Variants in SUOX observed in about 807,000 individuals in gnomAD.
SUOX encodes the protein sulfite oxidase, also known as sulfite oxidase, mitochondrial.
Under a neutral mutation model 41.9 loss-of-function variants are expected in SUOX, and 39 were observed. The observed-to-expected ratio is 0.93, with a 90% CI of 0.72 to 1.21. SUOX has a LOEUF of 1.21. Ranked by LOEUF, SUOX falls within the 50% of genes most tolerant of loss-of-function variation. SUOX has a pLI of 0.00. For missense variants in SUOX, 633 were observed against 689.5 expected (o/e 0.92, Z 0.92); for synonymous variants, 220 against 268.4 (o/e 0.82, Z 1.76).
Position 56,004,499 on chromosome 12 carries a change from T to C in SUOX, c.1110T>C (p.Pro370=). ...DHGFPVRVVV[P]GVVGARHVKW... is the part of the protein sequence containing the mutation. The stretch of plus-strand genomic sequence containing the variant: ...GCTTCCCTGTGCGTGTGGTGGTTCC[T>C]GGAGTGGTGGGTGCCCGCCATGTCA... Residue 370 remains proline (P), a synonymous_variant, in exon 5 of 5, where the codon CCT becomes CCC. Transcript: ENST00000266971. The surrounding 1 kb of genome is among the most constrained non-coding windows in gnomAD (Gnocchi z 4.5). 6.2e-7 allele frequency: 1 copy of C among 1,613,998 alleles called. No individual in the cohort carries two copies. Among genetic ancestry groups the C allele is most frequent in the Non-Finnish European group, 8.5e-7 (1 of 1,180,000 alleles).
At chr12:56,000,720 A>G (rs1489721664) in intron 2 of SUOX, among the ~76,000 whole-genome samples, 2 of 152,140 alleles carry the variant, frequency 1.3e-5, no homozygotes, top group Non-Finnish European at 2.9e-5. Context: ...TAGGATTATA[A>G]GGGTGAGCCA....
Position 56,004,252 on chromosome 12 carries a change from T to A in SUOX, c.863T>A (p.Ile288Asn). 1 of 1,614,052 alleles carries A rather than the reference T, an allele frequency of 6.2e-7. No individual in the cohort carries two copies. Among genetic ancestry groups the A allele is most frequent in the Non-Finnish European group, 8.5e-7 (1 of 1,180,018 alleles). ...VKGLEWRTGA[I>N]STARWAGARL... is the part of the protein sequence containing the mutation. ...GGTCTGGAGTGGAGAACAGGAGCCA[T>A]CAGCACTGCACGCTGGGCTGGGGCA... The change falls in exon 5 of 5, where the codon ATC becomes AAC. Residue 288 changes from isoleucine to asparagine, a missense_variant. Transcript: ENST00000266971. This position sits in a 1 kb window ranked among gnomAD's most constrained non-coding sequence, Gnocchi z 4.5.
rs769660984 is a variant in SUOX at position 56,003,985 on chromosome 12, C to T, written c.596C>T (p.Pro199Leu). ...CAGCGGCCCTTTAATGCAGAGCCTC[C>T]CCCTGAGCTGCTGACAGAAAACTAC... is the stretch of plus-strand genomic sequence containing the variant. ...NSQRPFNAEP[P>L]PELLTENYIT... Residue 199 changes from proline to leucine, a missense_variant, in exon 5 of 5, where the codon CCC (proline) becomes CTC (leucine). Transcript: ENST00000266971. 168 of 1,614,040 alleles carry T rather than the reference C, an allele frequency of 1.0e-4. 5 individuals are homozygous for T. The Admixed American group carries it at 2.1e-3, about 21-fold the overall frequency.
chr12:55,998,839 C>T (rs1473745533), intron 2 of SUOX, among the ~76,000 whole-genome samples: 1 of 151,550 alleles, frequency 6.6e-6, no homozygotes, highest in Non-Finnish European at 1.5e-5. Flanking sequence ...TGCCCTGTTG[C>T]CCAGGCTGGA....
In SUOX at chr12:56,002,529, G is replaced by T. The variant is rs141432255; in HGVS notation, c.51-14G>T. 1.2e-6 allele frequency: 2 copies of T among 1,614,050 alleles called. No individual in the cohort carries two copies. The highest frequency in any genetic ancestry group is 2.2e-5 in the South Asian group (2 of 91,052). ...CATGACCATACGTGCTACTAAGACC[G>T]ACCTCTCTTCCAGACTCAAGTCAAT... is the stretch of plus-strand genomic sequence containing the variant. On this transcript the variant is annotated splice_polypyrimidine_tract_variant and intron_variant, in intron 3 of 4. Coordinates refer to ENST00000266971, the MANE Select transcript of SUOX (RefSeq NM_001032386.2).
At position 56,005,121 on chromosome 12, in the gene SUOX, C is replaced by T. The variant is rs1890698605; in HGVS notation, c.*94C>T. ...CACCTTTCAACTTCTTGGATCACAA[C>T]TCTGGCCTTCCTAAGCCATACCCAA... On this transcript the variant is annotated 3_prime_UTR_variant, in exon 5 of 5. Transcript: ENST00000266971. 1 of 1,450,838 alleles carries T rather than the reference C, an allele frequency of 6.9e-7. No homozygotes were observed. The highest frequency in any genetic ancestry group is 9.5e-7 in the Non-Finnish European group (1 of 1,048,232). The allele number at this position is 1,450,838 out of a possible 1,614,324, so 89.9% of individuals were successfully genotyped here.
In SUOX at chr12:56,005,331, T is replaced by C. The variant is rs1017192609; in HGVS notation, c.*304T>C. 5.1e-6 allele frequency: 3 copies of C among 592,730 alleles called. No individual in the cohort carries two copies. The highest frequency in any genetic ancestry group is 3.7e-5 in the African/African-American group (2 of 53,792). The allele number at this position is 592,730 out of a possible 1,614,324, so 36.7% of individuals were successfully genotyped here. The stretch of plus-strand genomic sequence containing the variant: ...CTACCCCACCTCCATTTCTAATGCC[T>C]ACTGCCATCAAGGCCTTGTTTTGCT... On this transcript the variant is annotated 3_prime_UTR_variant, in exon 5 of 5. Coordinates refer to ENST00000266971, the MANE Select transcript of SUOX (RefSeq NM_001032386.2).
In SUOX at chr12:56,004,638, G is replaced by A; in HGVS notation, c.1249G>A (p.Ala417Thr). ...CTGGGAGACTGTAGATTTTGACTCT[G>A]CTCCATCCATTCAGGAACTTCCTGT... ...VDWETVDFDS[A>T]PSIQELPVQS... is the part of the protein sequence containing the mutation. Residue 417 changes from alanine (A) to threonine (T), a missense_variant, in exon 5 of 5, where the codon GCT becomes ACT. Transcript: ENST00000266971. The surrounding 1 kb of genome is among the most constrained non-coding windows in gnomAD (Gnocchi z 4.5). The A allele has an allele frequency of 1.2e-6, 2 of 1,613,930 alleles. No individual in the cohort carries two copies. The highest frequency in any genetic ancestry group is 1.7e-6 in the Non-Finnish European group (2 of 1,179,812).
In SUOX at chr12:56,004,410, G is replaced by A. The variant is rs752680971; in HGVS notation, c.1021G>A (p.Asp341Asn). ...GASIPLARAM[D>N]PEAEVLLAYE... ...ATCCATCCCTCTGGCTCGGGCCATG[G>A]ACCCTGAAGCTGAGGTCCTGCTGGC... is the stretch of plus-strand genomic sequence containing the variant. The change falls in exon 5 of 5, where the codon GAC becomes AAC. Residue 341 changes from aspartate (D) to asparagine (N), a missense_variant. By Grantham distance (23) the Asp-to-Asn change is conservative. Transcript: ENST00000266971. This position sits in a 1 kb window ranked among gnomAD's most constrained non-coding sequence, Gnocchi z 4.5. The A allele has an allele frequency of 6.2e-7, 1 of 1,614,036 alleles. No individual in the cohort carries two copies. The highest frequency in any genetic ancestry group is 2.2e-5 in the East Asian group (1 of 44,882).
intron 2 of SUOX, among the ~76,000 whole-genome samples, chr12:56,001,118 CTTTTT>C (rs1234069085): frequency 2.0e-5 from 1 of 51,252 alleles, no homozygotes. Flanking sequence ...GTTAATCTCT[CTTTTT>C]TTTTTTTTTT....
chr12:55,999,021 C>T (rs1216247332), intron 2 of SUOX, among the ~76,000 whole-genome samples: 1 of 151,802 alleles, frequency 6.6e-6, no homozygotes, highest in East Asian at 1.9e-4. Flanking sequence ...ACTATGTTGC[C>T]CAAGCTGGTC....
chr12:56,004,842 G>A lies in SUOX; in HGVS notation c.1453G>A (p.Ala485Thr), dbSNP rs1168514873. Residue 485 changes from alanine (A) to threonine (T), a missense_variant, in exon 5 of 5, where the codon GCC (alanine) becomes ACC (threonine). By Grantham distance (58) the Ala-to-Thr change is moderately conservative. Coordinates refer to ENST00000266971, the MANE Select transcript of SUOX (RefSeq NM_001032386.2). The surrounding 1 kb of genome is among the most constrained non-coding windows in gnomAD (Gnocchi z 4.5). ...TGGAGAGGAACAGCGCCCCAGGAAG[G>A]CCTGGGCATGGCGTCTGTGGCAGTT... is the stretch of plus-strand genomic sequence containing the variant. ...LDGEEQRPRK[A>T]WAWRLWQLKA... 1.9e-6 allele frequency: 3 copies of A among 1,614,070 alleles called. No individual in the cohort carries two copies. The highest frequency in any genetic ancestry group is 1.3e-5 in the African/African-American group (1 of 74,920).
In SUOX at chr12:56,004,000, C is replaced by T. The variant is rs763815475; in HGVS notation, c.611C>T (p.Thr204Ile). 9.9e-6 allele frequency: 16 copies of T among 1,614,170 alleles called. No individual in the cohort carries two copies. Among genetic ancestry groups the T allele is most frequent in the Non-Finnish European group, 1.1e-5 (13 of 1,180,036 alleles). ...GCAGAGCCTCCCCCTGAGCTGCTGA[C>T]AGAAAACTACATCACACCCAACCCT... ...FNAEPPPELL[T>I]ENYITPNPIF... Residue 204 changes from threonine to isoleucine, a missense_variant, in exon 5 of 5, where the codon ACA becomes ATA. By Grantham distance (89) the Thr-to-Ile change is moderately conservative. Coordinates refer to ENST00000266971, the MANE Select transcript of SUOX (RefSeq NM_001032386.2).
chr12:56,003,234 G>C (rs948360388), intron 4 of SUOX, among the ~76,000 whole-genome samples: 2 of 151,546 alleles, frequency 1.3e-5, no homozygotes, highest in South Asian at 2.1e-4. Context: ...GTGAGCTCAA[G>C]TGATTTCTTC....
rs932733920 is a variant in SUOX, at chr12:56,005,063, C to T, written c.*36C>T. The T allele has an allele frequency of 6.3e-7, 1 of 1,598,930 alleles. No homozygotes were observed. The highest frequency in any genetic ancestry group is 1.3e-5 in the African/African-American group (1 of 74,798). On this transcript the variant is annotated 3_prime_UTR_variant, in exon 5 of 5. Coordinates refer to ENST00000266971, the MANE Select transcript of SUOX (RefSeq NM_001032386.2). ...GAGCCACCTCCACCCCTTTCCCCAC[C>T]CATTAGCCTCACTGCTTCAGAAAAA...
In SUOX at chr12:56,001,824, TG is replaced by T. The variant is rs1407559746; in HGVS notation, c.-10-387del. 49 of 764,206 alleles carry T rather than the reference TG, an allele frequency of 6.4e-5. No homozygotes were observed. In the African/African-American group the frequency reaches 7.7e-4, roughly 12 times the overall value. 47.3% of individuals were successfully genotyped at this position (764,206 alleles called of 1,614,324 possible). On this transcript the variant is annotated intron_variant, in intron 2 of 4. Transcript: ENST00000266971. ...TGTTTAAGTCAGTCTGACCCACAGTTGTCCTCTGCTGACTTCAGAAATAATA... is the reference window on the plus strand; with the variant it reads ...TGTTTAAGTCAGTCTGACCCACAGTTTCCTCTGCTGACTTCAGAAATAATA...
intron 2 of SUOX, among the ~76,000 whole-genome samples, chr12:55,999,160 T>A: frequency 6.6e-6 from 1 of 152,106 alleles, no homozygotes; most frequent in East Asian, 1.9e-4. Flanking sequence ...TATAACTTTT[T>A]TTTGTTTTTG....
Position 56,004,781 on chromosome 12 carries a change from G to T in SUOX, c.1392G>T (p.Leu464=). Residue 464 remains leucine (L), a synonymous_variant, in exon 5 of 5, where the codon CTG becomes CTT. Transcript: ENST00000266971. The surrounding 1 kb of genome is among the most constrained non-coding windows in gnomAD (Gnocchi z 4.5). ...CTGTGATCCGGGTGGATGTGTCTCT[G>T]GATGGGGGCCTAACCTGGCAGGTGG... ...GRAVIRVDVS[L]DGGLTWQVAK... is the part of the protein sequence containing the mutation. 1 of 1,614,146 alleles carries T rather than the reference G, an allele frequency of 6.2e-7. No homozygotes were observed. Among genetic ancestry groups the T allele is most frequent in the South Asian group, 1.1e-5 (1 of 91,082 alleles).
Position 56,002,656 on chromosome 12 carries a change from GGA to G in SUOX, c.168_169del (p.Arg56SerfsTer20). ...GGTGATAACTCCAGCACCCAGGGAT[GGA>G]GAGTCATGGGGACCCTATTAGGTCT... is the stretch of plus-strand genomic sequence containing the variant. On this transcript the variant is annotated frameshift_variant, in exon 4 of 5. Transcript: ENST00000266971. LOFTEE classifies it high-confidence loss of function. 1 of 1,614,058 alleles carries G rather than the reference GGA, an allele frequency of 6.2e-7. No homozygotes were observed. Among genetic ancestry groups the G allele is most frequent in the Non-Finnish European group, 8.5e-7 (1 of 1,180,018 alleles).
Sources: gnomAD v4.1 joint callset for allele counts (sites outside exome capture counted in the v4.1 genomes callset) on GRCh38, gnomAD v4.1.1 for gene constraint, Gnocchi (gnomAD v3.1) non-coding constraint, MANE v1.5 for transcripts, NCBI Gene and HGNC (gene_info 2026-07-23, HGNC 2026-07-21) for gene names.